Variants in DTNB observed in about 807,000 individuals in gnomAD.
The protein encoded by DTNB is dystrobrevin beta, also known as DTN-B.
A neutral mutation model predicts 90.7 loss-of-function variants in DTNB; 63 were observed. The observed-to-expected ratio is 0.69, with a 90% CI of 0.57 to 0.86. The LOEUF is 0.86. DTNB is among the 40% of genes least tolerant of loss of function. DTNB has a pLI of 0.00. For missense variants in DTNB, 744 were observed against 807.1 expected (o/e 0.92, Z 0.95); for synonymous variants, 277 against 286.7 (o/e 0.97, Z 0.34).
intron 16 of DTNB, among the ~76,000 whole-genome samples, chr2:25,416,144 C>T (rs1044547165): frequency 6.6e-6 from 1 of 152,162 alleles, no homozygotes; most frequent in African/African-American, 2.4e-5. Flanking sequence ...GTAGGACACC[C>T]AGCTGGTGTC....
At chr2:25,552,278 T>C (rs1429876856) in intron 8 of DTNB, among the ~76,000 whole-genome samples, 1 of 152,254 alleles carries the variant, frequency 6.6e-6, no homozygotes, top group Non-Finnish European at 1.5e-5. Context: ...GGAGTTGTTT[T>C]CAGTGAGAGT....
At chr2:25,445,655 G>A (rs774826189) in intron 12 of DTNB, among the ~76,000 whole-genome samples, 1 of 152,166 alleles carries the variant, frequency 6.6e-6, no homozygotes, top group African/African-American at 2.4e-5. Flanking sequence ...TCAACTTTCA[G>A]GTCATGCGAC....
chr2:25,432,473 C>T (rs961687964), intron 14 of DTNB, among the ~76,000 whole-genome samples: 4 of 152,180 alleles, frequency 2.6e-5, no homozygotes, highest in Non-Finnish European at 2.9e-5. Context: ...CCTTCTCCTT[C>T]GGCAGAGCCC....
At chr2:25,515,352 G>T (rs1425392392) in intron 9 of DTNB, among the ~76,000 whole-genome samples, 3 of 152,122 alleles carry the variant, frequency 2.0e-5, no homozygotes, top group African/African-American at 4.8e-5. Context: ...AAAAAGAAGA[G>T]AACTTACACT....
chr2:25,648,749 A>G (rs2080089061), intron 2 of DTNB, among the ~76,000 whole-genome samples: 1 of 152,174 alleles, frequency 6.6e-6, no homozygotes. Context: ...TTAACAGAGT[A>G]AAGAGGAAAG....
intron 15 of DTNB, among the ~76,000 whole-genome samples, chr2:25,423,020 C>T (rs4389287): frequency 0.51 from 77,065 of 151,866 alleles, 20,321 homozygotes; most frequent in Non-Finnish European, 0.58. Flanking sequence ...TGGTGAAACC[C>T]GTCTACTAAA....
At chr2:25,517,953 T>C (rs1167303028) in intron 9 of DTNB, among the ~76,000 whole-genome samples, 2 of 152,092 alleles carry the variant, frequency 1.3e-5, no homozygotes, top group Non-Finnish European at 2.9e-5. Context: ...CTAAGTGAAA[T>C]AAGCCAGTCA....
At chr2:25,631,781 T>A (rs1285704869) in intron 3 of DTNB, among the ~76,000 whole-genome samples, 1 of 152,118 alleles carries the variant, frequency 6.6e-6, no homozygotes, top group African/African-American at 2.4e-5. Flanking sequence ...AAAGTACAGA[T>A]ACAGACAATT....
intron 16 of DTNB, among the ~76,000 whole-genome samples, chr2:25,413,563 G>C (rs1021252539): frequency 6.6e-6 from 1 of 152,018 alleles, no homozygotes; most frequent in Non-Finnish European, 1.5e-5. Flanking sequence ...ACGGTTTCCA[G>C]CTTCATCCAT....
intron 10 of DTNB, among the ~76,000 whole-genome samples, chr2:25,459,596 T>C (rs1371751381): frequency 6.6e-6 from 1 of 152,066 alleles, no homozygotes; most frequent in Non-Finnish European, 1.5e-5. Context: ...TGGGTTCAAG[T>C]GATTCTCCTG....
At position 25,416,682 on chromosome 2, in the gene DTNB, T is replaced by A. The variant is rs192581193; in HGVS notation, c.1575+2833A>T. On this transcript the variant is annotated intron_variant, in intron 16 of 20. Coordinates refer to ENST00000406818, the MANE Select transcript of DTNB (RefSeq NM_021907.5). ...CTCTGTCTCAGAAAAAAGAAAAAAA[T>A]TTTCCCTACCTGCAAGCTAACAAGT... 2.0e-5 allele frequency among the ~76,000 whole-genome samples: 3 copies of A among 151,750 alleles called. No homozygotes were observed. In the East Asian group the frequency reaches 5.8e-4, roughly 29 times the overall value.
At chr2:25,417,866 G>A (rs2048354683) in intron 16 of DTNB, among the ~76,000 whole-genome samples, 1 of 152,124 alleles carries the variant, frequency 6.6e-6, no homozygotes, top group Non-Finnish European at 1.5e-5. Flanking sequence ...CTTGGGGGAG[G>A]TATTTCCAAC....
intron 9 of DTNB, among the ~76,000 whole-genome samples, chr2:25,525,855 C>T (rs1450448949): frequency 6.6e-6 from 1 of 152,042 alleles, no homozygotes; most frequent in East Asian, 1.9e-4. Flanking sequence ...GGCCTGGAAC[C>T]TCTGAAGGAG....
chr2:25,573,190 C>T (rs188980076), intron 8 of DTNB, among the ~76,000 whole-genome samples: 1 of 151,922 alleles, frequency 6.6e-6, no homozygotes, highest in Non-Finnish European at 1.5e-5. Context: ...CAGATATCTG[C>T]CCGCCTTGGC....
intron 16 of DTNB, among the ~76,000 whole-genome samples, chr2:25,414,556 G>T (rs2047416049): frequency 1.3e-5 from 2 of 152,116 alleles, no homozygotes; most frequent in South Asian, 4.1e-4. Flanking sequence ...GCCTGGCCCA[G>T]ATTCTTTTTG....
At chr2:25,522,028 G>A (rs1300011359) in intron 9 of DTNB, among the ~76,000 whole-genome samples, 1 of 152,214 alleles carries the variant, frequency 6.6e-6, no homozygotes, top group African/African-American at 2.4e-5. Flanking sequence ...GAACTCTGTG[G>A]TTAGAAAATT....
intron 9 of DTNB, among the ~76,000 whole-genome samples, chr2:25,492,175 T>A (rs1157351315): frequency 6.6e-6 from 1 of 152,174 alleles, no homozygotes; most frequent in Non-Finnish European, 1.5e-5. Flanking sequence ...AAAGTATAGT[T>A]TTGGAGTGAT....
At chr2:25,400,080 A>T (rs1251726795) in intron 16 of DTNB, among the ~76,000 whole-genome samples, 2 of 152,176 alleles carry the variant, frequency 1.3e-5, no homozygotes, top group Non-Finnish European at 2.9e-5. Flanking sequence ...GCTGATGAGG[A>T]GGTGTAGGGA....
chr2:25,443,205 C>A (rs2057821723), intron 12 of DTNB, among the ~76,000 whole-genome samples: 1 of 152,164 alleles, frequency 6.6e-6, no homozygotes, highest in East Asian at 1.9e-4. Flanking sequence ...AGTTAAAGCT[C>A]TGTATTTAAG....
Sources: gnomAD v4.1 joint callset for allele counts (sites outside exome capture counted in the v4.1 genomes callset) on GRCh38, gnomAD v4.1.1 for gene constraint, MANE v1.5 for transcripts, NCBI Gene and HGNC (gene_info 2026-07-23, HGNC 2026-07-21) for gene names.